AGBL1: variants seen among roughly 807,000 people sequenced by gnomAD.
The protein encoded by AGBL1 is cytosolic carboxypeptidase 4.
AGBL1 carries 130 observed loss-of-function variants against 118.9 expected under a neutral mutation model. The ratio of observed to expected loss-of-function variants is 1.09; its 90% CI spans 0.95 to 1.26. The LOEUF is 1.26. Ranked by LOEUF, AGBL1 falls within the 50% of genes most tolerant of loss-of-function variation. The pLI, the probability that AGBL1 is intolerant of heterozygous loss-of-function variation, is 0.00. For missense variants in AGBL1, 1,584 were observed against 1,298.1 expected, an observed-to-expected ratio of 1.22 and a Z score of -3.38; for synonymous variants, 555 against 478.9, an observed-to-expected ratio of 1.16 and a Z score of -2.08.
At chr15:86,870,860 G>A (rs983073502) in intron 22 of AGBL1, among the ~76,000 whole-genome samples, 1 of 152,104 alleles carries the variant, frequency 6.6e-6, no homozygotes, top group Admixed American at 6.6e-5. Context: ...CTTTCAGTTT[G>A]GCCAGTTGGC....
chr15:86,092,968 T>C (rs1178255328), intron 1 of AGBL1, among the ~76,000 whole-genome samples: 1 of 152,188 alleles, frequency 6.6e-6, no homozygotes, highest in Admixed American at 6.5e-5. Context: ...TTCTAACACA[T>C]GGTTTTTGGG....
chr15:86,935,770 G>A (rs943861961), intron 23 of AGBL1, among the ~76,000 whole-genome samples: 2 of 152,326 alleles, frequency 1.3e-5, no homozygotes, highest in Non-Finnish European at 1.5e-5. Context: ...GCCGCACTGA[G>A]GCTGGAAAAC....
intron 22 of AGBL1, among the ~76,000 whole-genome samples, chr15:86,763,369 T>C (rs1035833989): frequency 6.6e-6 from 1 of 151,950 alleles, no homozygotes; most frequent in Non-Finnish European, 1.5e-5. Context: ...GAATATTGTA[T>C]CCTCAATGAA....
intron 6 of AGBL1, among the ~76,000 whole-genome samples, chr15:86,238,420 C>T (rs2078588114): frequency 6.6e-6 from 1 of 152,198 alleles, no homozygotes; most frequent in South Asian, 2.1e-4. Context: ...AATTTACTCT[C>T]TGCCTAGCCA....
At chr15:86,147,700 A>G (rs1454724323) in intron 3 of AGBL1, among the ~76,000 whole-genome samples, 1 of 152,224 alleles carries the variant, frequency 6.6e-6, no homozygotes, top group Non-Finnish European at 1.5e-5. Context: ...AAAAGGCAGC[A>G]AACAACTTCT....
intron 1 of AGBL1, among the ~76,000 whole-genome samples, chr15:86,084,030 A>G (rs1204368647): frequency 6.6e-6 from 1 of 152,216 alleles, no homozygotes; most frequent in Non-Finnish European, 1.5e-5. Context: ...ACCTGCTTCA[A>G]CCACAACTCA....
intron 22 of AGBL1, among the ~76,000 whole-genome samples, chr15:86,858,651 G>A (rs371595700): frequency 2.0e-5 from 3 of 152,332 alleles, no homozygotes; most frequent in African/African-American, 4.8e-5. Context: ...CTCTCTAAGA[G>A]CTTACATGCT....
intron 19 of AGBL1, among the ~76,000 whole-genome samples, chr15:86,536,526 G>T (rs1421939046): frequency 1.3e-5 from 2 of 152,128 alleles, no homozygotes; most frequent in Non-Finnish European, 2.9e-5. Flanking sequence ...GGCTAGGATG[G>T]TCTCTATCTC....
chr15:86,491,595 A>G (rs973068219), intron 18 of AGBL1, among the ~76,000 whole-genome samples: 4 of 152,096 alleles, frequency 2.6e-5, no homozygotes, highest in African/African-American at 9.7e-5. Flanking sequence ...GACAGACTAG[A>G]TCTGTGACAG....
chr15:86,913,045 G>A lies in AGBL1; in HGVS notation c.*5751G>A, dbSNP rs953933603. The A allele has an allele frequency of 6.6e-6, 1 of 152,046 alleles. No homozygotes were observed. The highest frequency in any genetic ancestry group is 1.9e-4 in the East Asian group (1 of 5,178). The allele number at this position is 152,046 out of a possible 1,614,324, so 9.4% of individuals were successfully genotyped here. A position where few individuals can be genotyped will look rare whatever the true frequency, so the allele number is the denominator to read the frequency against. ...GAAAAGAAAAAATAGAGTGGTAAAAGGGAATTTTGAGATAAAAATGGATTC... is the reference window on the plus strand; with the variant it reads ...GAAAAGAAAAAATAGAGTGGTAAAAAGGAATTTTGAGATAAAAATGGATTC... On this transcript the variant is annotated 3_prime_UTR_variant, in exon 23 of 23. Coordinates refer to ENST00000614907, the MANE Select transcript of AGBL1 (RefSeq NM_001386094.1).
At chr15:86,657,761 G>C (rs575259470) in intron 21 of AGBL1, among the ~76,000 whole-genome samples, 1 of 151,956 alleles carries the variant, frequency 6.6e-6, no homozygotes, top group Admixed American at 6.6e-5. Flanking sequence ...CACATCTCTC[G>C]TAAGTCTCCT....
chr15:86,123,516 A>T (rs1297228868), intron 1 of AGBL1, among the ~76,000 whole-genome samples: 1 of 152,236 alleles, frequency 6.6e-6, no homozygotes, highest in Non-Finnish European at 1.5e-5. Context: ...CTGGGATTAT[A>T]GGCGTGAGAT....
intron 18 of AGBL1, among the ~76,000 whole-genome samples, chr15:86,487,206 A>G (rs1278282037): frequency 2.0e-5 from 3 of 151,990 alleles, no homozygotes. Context: ...TCACAAGGAG[A>G]TGGCCACAGG....
chr15:86,881,354 T>C (rs1448056297), intron 22 of AGBL1, among the ~76,000 whole-genome samples: 1 of 152,190 alleles, frequency 6.6e-6, no homozygotes, highest in Non-Finnish European at 1.5e-5. Context: ...CTCCTGGTGA[T>C]TCTCACGTTC....
rs549104188 is a variant in AGBL1, at chr15:86,535,672, G to A, written c.2686-10330G>A. On this transcript the variant is annotated intron_variant, in intron 19 of 22. Coordinates refer to ENST00000614907, the MANE Select transcript of AGBL1 (RefSeq NM_001386094.1). ...TATTGTAGTTTTGTCTTTCTCTGGG[G>A]CCCAGTGGAATAGAATTTTTAGCTA... 4.4e-4 allele frequency among the ~76,000 whole-genome samples: 67 copies of A among 152,254 alleles called. 1 individual carries two copies. In the South Asian group the frequency reaches 0.014, roughly 32 times the overall value.
At chr15:86,850,360 T>C (rs1447390804) in intron 22 of AGBL1, among the ~76,000 whole-genome samples, 1 of 152,272 alleles carries the variant, frequency 6.6e-6, no homozygotes, top group Admixed American at 6.5e-5. Context: ...TTGCTTTATT[T>C]GACTTCCCAG....
intron 5 of AGBL1, among the ~76,000 whole-genome samples, chr15:86,159,970 G>T (rs1376949559): frequency 6.6e-6 from 1 of 152,088 alleles, no homozygotes; most frequent in East Asian, 1.9e-4. Context: ...AGTAAGTTGA[G>T]AAATACTGGA....
At chr15:86,703,428 G>A (rs192918970) in intron 22 of AGBL1, among the ~76,000 whole-genome samples, 3 of 152,162 alleles carry the variant, frequency 2.0e-5, no homozygotes, top group African/African-American at 4.8e-5. Context: ...TTCCATTTCC[G>A]AGTCCATCAA....
rs903065998 is a variant in AGBL1, at chr15:86,615,410, G to C, written c.2995-58863G>C. 3.3e-5 allele frequency among the ~76,000 whole-genome samples: 5 copies of C among 152,192 alleles called. No homozygotes were observed. Among genetic ancestry groups the C allele is most frequent in the African/African-American group, 1.2e-4 (5 of 41,448 alleles). ...TGGTGTCCAGTGGGATCTGGGGTAA[G>C]GAGGAAGAAGGTAAGATGATTATGA... On this transcript the variant is annotated intron_variant, in intron 21 of 22. Coordinates refer to ENST00000614907, the MANE Select transcript of AGBL1 (RefSeq NM_001386094.1). This position sits in a 1 kb window ranked among gnomAD's most constrained non-coding sequence, Gnocchi z 4.3.
Sources: allele counts gnomAD v4.1 joint callset (sites outside exome capture counted in the v4.1 genomes callset), GRCh38; gene constraint gnomAD v4.1.1; non-coding constraint Gnocchi (gnomAD v3.1); transcripts MANE v1.5; gene names NCBI Gene and HGNC (gene_info 2026-07-23, HGNC 2026-07-21).